Variants in ZNF730 observed in about 807,000 individuals in gnomAD.
The protein encoded by ZNF730 is zinc finger protein 730.
In ZNF730, 12 loss-of-function variants were observed where a neutral mutation model predicts 12.6. The observed-to-expected ratio is 0.95, with a 90% CI of 0.61 to 1.54. ZNF730 has a LOEUF of 1.54. Among genes scored for constraint, ZNF730 ranks in the 40% most tolerant of loss-of-function variants. The pLI, the probability that ZNF730 is intolerant of heterozygous loss-of-function variation, is 0.00. For synonymous variants in ZNF730, 194 were observed against 195.8 expected, an observed-to-expected ratio of 0.99 and a Z score of 0.08; for missense variants, 643 against 583.5, an observed-to-expected ratio of 1.10 and a Z score of -1.05.
Position 23,134,195 on chromosome 19 carries a change from T to C in ZNF730, c.119T>C (p.Leu40Pro), listed in dbSNP as rs1325380748. ...GTAATGTTAGATAACTACAGAAACCTGGTCTTCCTGGGTGAGGATAACTTT... is the reference window on the plus strand; with the variant it reads ...GTAATGTTAGATAACTACAGAAACCCGGTCTTCCTGGGTGAGGATAACTTT... ...RNVMLDNYRNLVFLGIAVSKP... is the reference protein window; with the variant it reads ...RNVMLDNYRNPVFLGIAVSKP... The change falls in exon 2 of 4, where the codon CTG becomes CCG. Residue 40 changes from leucine (L) to proline (P), a missense_variant. Transcript: ENST00000597761. The C allele has an allele frequency of 6.2e-6, 10 of 1,607,804 alleles. No individual in the cohort carries two copies. Among genetic ancestry groups the C allele is most frequent in the Non-Finnish European group, 8.5e-6 (10 of 1,177,246 alleles).
chr19:23,129,868 C>T (rs1049567105), intron 1 of ZNF730, among the ~76,000 whole-genome samples: 2 of 151,760 alleles, frequency 1.3e-5, no homozygotes, highest in Non-Finnish European at 2.9e-5. Flanking sequence ...GTGGCGGGCA[C>T]CTGTAGTCCC....
At chr19:23,090,244 C>CA (rs1442129903) in intron 1 of ZNF730, among the ~76,000 whole-genome samples, 38 of 141,020 alleles carry the variant, frequency 2.7e-4, no homozygotes, top group African/African-American at 1.1e-3. Context: ...GACTCCATCT[C>CA]AAAGAAAAAA....
chr19:23,108,059 G>T (rs1012857985), intron 1 of ZNF730, among the ~76,000 whole-genome samples: 1 of 152,208 alleles, frequency 6.6e-6, no homozygotes, highest in East Asian at 1.9e-4. Flanking sequence ...AAAACCAACA[G>T]CAAGGTTGGT....
At chr19:23,127,951 T>C (rs1322639328) in intron 1 of ZNF730, 4 of 712,812 alleles carry the variant, frequency 5.6e-6, no homozygotes, top group Admixed American at 3.6e-5. Context: ...TGCAATGTAT[T>C]GTACTGGCCT....
Position 23,107,475 on chromosome 19 carries a change from A to AAAAAAAAAAAAC in ZNF730, c.-93-26605_-93-26604insAAAAAAAAAAAC, listed in dbSNP as rs752480467. ...AAAAAAAAAAAAAAAAAAAAAAAAA[A>AAAAAAAAAAAAC]CCACCACAGCTCTGTTTTTTGTTAT... On this transcript the variant is annotated intron_variant, in intron 1 of 2. Transcript: ENST00000593635. Among the ~76,000 whole-genome samples, 27 of 118,998 alleles carry AAAAAAAAAAAAC rather than the reference A, an allele frequency of 2.3e-4. 1 individual carries two copies. The highest frequency in any genetic ancestry group is 5.0e-3 in the Middle Eastern group (1 of 202). The allele number at this position is 118,998 out of a possible 152,430, so 78.1% of individuals were successfully genotyped here.
chr19:23,080,285 T>G (rs1401312836), intron 1 of ZNF730, among the ~76,000 whole-genome samples: 1 of 152,248 alleles, frequency 6.6e-6, no homozygotes, highest in South Asian at 2.1e-4. Flanking sequence ...CATACTGCAA[T>G]GTACATGAAT....
At chr19:23,088,850 C>T (rs1282271700) in intron 1 of ZNF730, among the ~76,000 whole-genome samples, 3 of 151,906 alleles carry the variant, frequency 2.0e-5, no homozygotes, top group African/African-American at 7.3e-5. Flanking sequence ...GGTTTTGTTC[C>T]TTTTTGTTTG....
intron 1 of ZNF730, among the ~76,000 whole-genome samples, chr19:23,087,287 A>G (rs938509021): frequency 2.0e-5 from 3 of 152,132 alleles, no homozygotes; most frequent in African/African-American, 7.2e-5. Context: ...GGGTGCCTGT[A>G]ATCCCAGGTA....
At chr19:23,109,477 C>T (rs868667024) in intron 1 of ZNF730, among the ~76,000 whole-genome samples, 1 of 150,966 alleles carries the variant, frequency 6.6e-6, no homozygotes, top group East Asian at 2.0e-4. Flanking sequence ...TGTGAGATGT[C>T]GACTCACTGC....
At chr19:23,141,183 AG>A (rs1970913060) in intron 3 of ZNF730, among the ~76,000 whole-genome samples, 1 of 152,066 alleles carries the variant, frequency 6.6e-6, no homozygotes, top group Admixed American at 6.5e-5. Flanking sequence ...TCATGAGGTT[AG>A]GAAATCGAGA....
chr19:23,126,371 C>T (rs927659065), intron 1 of ZNF730, among the ~76,000 whole-genome samples: 2 of 152,188 alleles, frequency 1.3e-5, no homozygotes, highest in Admixed American at 6.5e-5. Flanking sequence ...TCTTGGGGAA[C>T]ACAGTGCGGC....
intron 1 of ZNF730, among the ~76,000 whole-genome samples, chr19:23,089,476 C>CG (rs1487176630): frequency 1.3e-5 from 2 of 151,924 alleles, no homozygotes; most frequent in African/African-American, 2.4e-5. Flanking sequence ...TGGGAGGGAC[C>CG]GGGGGGAGAT....
At chr19:23,090,288 G>T (rs1375821406) in intron 1 of ZNF730, among the ~76,000 whole-genome samples, 1 of 152,004 alleles carries the variant, frequency 6.6e-6, no homozygotes, top group African/African-American at 2.4e-5. Context: ...CTCAGATGGA[G>T]ATGAGAAACT....
Position 23,146,446 on chromosome 19 carries a change from A to C in ZNF730, c.1402A>C (p.Thr468Pro), listed in dbSNP as rs557443250. ...AGCTTTTAACCGGTCCTCAACCCTC[A>C]CTACACATAAGATAATTCATTCTGG... ...GKAFNRSSTLTTHKIIHSGEK... is the reference protein window; with the variant it reads ...GKAFNRSSTLPTHKIIHSGEK... Residue 468 changes from threonine (T) to proline (P), a missense_variant, in exon 4 of 4, where the codon ACT (threonine) becomes CCT (proline). Transcript: ENST00000597761. The C allele has an allele frequency of 6.2e-7, 1 of 1,612,436 alleles. No homozygotes were observed. The highest frequency in any genetic ancestry group is 8.5e-7 in the Non-Finnish European group (1 of 1,179,734).
intron 1 of ZNF730, among the ~76,000 whole-genome samples, chr19:23,121,661 G>A (rs1376510160): frequency 3.9e-5 from 6 of 152,116 alleles, no homozygotes; most frequent in East Asian, 1.9e-4. Flanking sequence ...ATTCATGTGC[G>A]TGCATGGATT....
chr19:23,126,574 T>G (rs1327626345), intron 1 of ZNF730: 2 of 434,474 alleles, frequency 4.6e-6, no homozygotes. Context: ...GTGGCTTATG[T>G]GTCTCCGTTT....
At chr19:23,132,903 A>G (rs1017946375) in intron 1 of ZNF730, among the ~76,000 whole-genome samples, 6 of 152,234 alleles carry the variant, frequency 3.9e-5, no homozygotes, top group African/African-American at 1.4e-4. Flanking sequence ...TGAACTTTGC[A>G]TAAAACTGAT....
At chr19:23,100,577 T>C (rs1599578673) in intron 1 of ZNF730, among the ~76,000 whole-genome samples, 1 of 150,632 alleles carries the variant, frequency 6.6e-6, no homozygotes, top group Admixed American at 6.6e-5. Flanking sequence ...CAGTTCACAA[T>C]TGGAATTGTG....
chr19:23,098,686 A>G (rs1181779268), intron 1 of ZNF730, among the ~76,000 whole-genome samples: 1 of 152,048 alleles, frequency 6.6e-6, no homozygotes, highest in Non-Finnish European at 1.5e-5. Flanking sequence ...GTAACATACC[A>G]TTGGTTGAGA....
Sources: allele counts gnomAD v4.1 joint callset (sites outside exome capture counted in the v4.1 genomes callset), GRCh38; gene constraint gnomAD v4.1.1; transcripts MANE v1.5; gene names NCBI Gene and HGNC (gene_info 2026-07-23, HGNC 2026-07-21).